The following CCDC171 variants were observed in gnomAD, a reference collection of about 807,000 sequenced individuals.
CCDC171 encodes the protein coiled-coil domain containing 171.
In CCDC171, 177 loss-of-function variants were observed where a neutral mutation model predicts 168.2. The ratio of observed to expected loss-of-function variants is 1.05; its 90% CI spans 0.93 to 1.19. The LOEUF (loss-of-function observed/expected upper bound fraction) is 1.19. CCDC171 is among the 50% of genes most tolerant of loss of function. The probability of loss-of-function intolerance (pLI) is 0.00; values close to 1 mark genes in which losing one functional copy is unlikely to be tolerated. For missense variants in CCDC171, 1,991 were observed against 1,539.0 expected, an observed-to-expected ratio of 1.29 and a Z score of -4.91; for synonymous variants, 687 against 540.8, an observed-to-expected ratio of 1.27 and a Z score of -3.75.
At chr9:16,097,047 C>T in the CCDC171 span, among the ~76,000 whole-genome samples, 16 of 152,224 alleles carry the variant, frequency 1.1e-4, no homozygotes, top group East Asian at 3.1e-3. Flanking sequence ...TGAAGGGTAT[C>T]CTTGGAGAAC....
At chr9:15,955,920 T>C (rs1247383700) in intron 25 of CCDC171, among the ~76,000 whole-genome samples, 1 of 152,090 alleles carries the variant, frequency 6.6e-6, no homozygotes, top group African/African-American at 2.4e-5. Context: ...CAAGTAAGAA[T>C]TGAGAATTAT....
rs533565055 is a variant in CCDC171, at chr9:15,557,940, A to T, written c.-112+4638A>T. On this transcript the variant is annotated intron_variant, in intron 1 of 25. Transcript: ENST00000380701. ...AATACCTAATTTATTGAGAGTTTTT[A>T]GCATGAAGTGTTGTTGAATTTTGTC... is the stretch of plus-strand genomic sequence containing the variant. Among the ~76,000 whole-genome samples, 19 of 152,246 alleles carry T rather than the reference A, an allele frequency of 1.2e-4. No individual in the cohort carries two copies. The Middle Eastern group carries it at 0.01, about 82-fold the overall frequency.
At chr9:16,049,144 G>A (rs1586860727) in intron 1 of CCDC171, among the ~76,000 whole-genome samples, 2 of 152,144 alleles carry the variant, frequency 1.3e-5, no homozygotes, top group Admixed American at 1.3e-4. Context: ...CTAGGGAGGG[G>A]ATTAGTATAT....
At chr9:15,917,754 A>G (rs1307251096) in intron 24 of CCDC171, among the ~76,000 whole-genome samples, 1 of 151,754 alleles carries the variant, frequency 6.6e-6, no homozygotes, top group Non-Finnish European at 1.5e-5. Context: ...TAATCCTAAA[A>G]TATTAAAGGT....
rs945589484 is a variant in CCDC171, at chr9:15,873,938, A to G, written c.3469-594A>G. On this transcript the variant is annotated intron_variant, in intron 23 of 25. Transcript: ENST00000380701. ...AAATTGTGTGACTGTGTTGGTTTATATGTATTTAATCATTAAGACTCAAGT... is the reference window on the plus strand; with the variant it reads ...AAATTGTGTGACTGTGTTGGTTTATGTGTATTTAATCATTAAGACTCAAGT... Among the ~76,000 whole-genome samples the G allele has an allele frequency of 3.3e-5, 5 of 152,136 alleles. No individual in the cohort carries two copies. The South Asian group carries it at 6.2e-4, about 19-fold the overall frequency.
chr9:15,872,723 A>G (rs1412503633), intron 23 of CCDC171, among the ~76,000 whole-genome samples: 1 of 151,982 alleles, frequency 6.6e-6, no homozygotes, highest in African/African-American at 2.4e-5. Flanking sequence ...GCAGTAAAAT[A>G]TTTAGATCTA....
At chr9:15,894,254 C>T (rs907107790) in intron 24 of CCDC171, among the ~76,000 whole-genome samples, 11 of 151,916 alleles carry the variant, frequency 7.2e-5, no homozygotes, top group African/African-American at 2.7e-4. Context: ...TGAAGAAGAA[C>T]AACACATACT....
intron 24 of CCDC171, among the ~76,000 whole-genome samples, chr9:15,879,884 C>T (rs2131318363): frequency 6.6e-6 from 1 of 152,290 alleles, no homozygotes; most frequent in Admixed American, 6.5e-5. Context: ...TTTTAATACA[C>T]ATTCTCCAAT....
At chr9:15,840,632 T>G (rs114515856) in intron 21 of CCDC171, among the ~76,000 whole-genome samples, 3,186 of 152,236 alleles carry the variant, frequency 0.021, 105 homozygotes, top group African/African-American at 0.073. Context: ...AAACTCAGTT[T>G]GCTTTATACT....
chr9:15,748,832 A>C (rs915401924), intron 18 of CCDC171, among the ~76,000 whole-genome samples: 10 of 152,204 alleles, frequency 6.6e-5, no homozygotes, highest in Non-Finnish European at 1.5e-4. Context: ...AGCACTAAAC[A>C]TGGAAAGGAA....
At chr9:15,792,560 G>A (rs182983394) in intron 21 of CCDC171, among the ~76,000 whole-genome samples, 14 of 152,270 alleles carry the variant, frequency 9.2e-5, no homozygotes, top group African/African-American at 3.1e-4. Context: ...AAAATGTTAA[G>A]GGCAGCCAGA....
the CCDC171 span, among the ~76,000 whole-genome samples, chr9:16,075,603 A>G: frequency 2.0e-5 from 3 of 152,150 alleles, no homozygotes; most frequent in African/African-American, 7.2e-5. Flanking sequence ...TCCCACTCCT[A>G]AAGAGGGACA....
chr9:15,802,366 G>A (rs1178884379), intron 21 of CCDC171, among the ~76,000 whole-genome samples: 5 of 151,774 alleles, frequency 3.3e-5, no homozygotes, highest in African/African-American at 1.2e-4. Flanking sequence ...CAGGTATTAA[G>A]CCCTGCATCC....
intron 6 of CCDC171, among the ~76,000 whole-genome samples, chr9:15,614,035 T>G (rs2043906045): frequency 2.0e-5 from 3 of 152,190 alleles, no homozygotes; most frequent in South Asian, 4.1e-4. Flanking sequence ...GCTGAGTGGT[T>G]CTTTCTTTAT....
At chr9:15,620,993 T>C (rs895238687) in intron 6 of CCDC171, among the ~76,000 whole-genome samples, 4 of 152,092 alleles carry the variant, frequency 2.6e-5, no homozygotes, top group Non-Finnish European at 5.9e-5. Flanking sequence ...TGAGACAGAG[T>C]CCTGCTCTCT....
At chr9:15,702,059 AAAC>A (rs772203866) in intron 11 of CCDC171, among the ~76,000 whole-genome samples, 2 of 152,360 alleles carry the variant, frequency 1.3e-5, no homozygotes, top group Non-Finnish European at 2.9e-5. Flanking sequence ...CCAGGCTTGA[AAAC>A]AACATTAATC....
At chr9:15,627,047 G>C (rs1314925119) in intron 7 of CCDC171, among the ~76,000 whole-genome samples, 1 of 152,168 alleles carries the variant, frequency 6.6e-6, no homozygotes, top group Admixed American at 6.5e-5. Context: ...AGTCTTGGGA[G>C]GGTGTATGTG....
chr9:15,912,541 C>A (rs1373171065), intron 24 of CCDC171, among the ~76,000 whole-genome samples: 1 of 152,084 alleles, frequency 6.6e-6, no homozygotes, highest in African/African-American at 2.4e-5. Flanking sequence ...CCCTTTATTT[C>A]TTTCTCTTGC....
chr9:15,787,006 G>C (rs909148387), intron 21 of CCDC171, among the ~76,000 whole-genome samples: 1 of 152,080 alleles, frequency 6.6e-6, no homozygotes, highest in Non-Finnish European at 1.5e-5. Context: ...CAGCCTTGTT[G>C]CTTACACAAA....
Sources: allele counts gnomAD v4.1 joint callset (sites outside exome capture counted in the v4.1 genomes callset), GRCh38; gene constraint gnomAD v4.1.1; transcripts MANE v1.5; gene names NCBI Gene and HGNC (gene_info 2026-07-23, HGNC 2026-07-21).